Variants in PPP1R12B observed in about 807,000 individuals in gnomAD.
PPP1R12B encodes protein phosphatase 1 regulatory subunit 12B.
Under a neutral mutation model 126.1 loss-of-function variants are expected in PPP1R12B, and 76 were observed. The ratio of observed to expected loss-of-function variants is 0.60; its 90% confidence interval spans 0.50 to 0.73. The LOEUF is 0.73. PPP1R12B is among the 30% of genes least tolerant of loss of function. The pLI, the probability that PPP1R12B is intolerant of heterozygous loss-of-function variation, is 0.00. For missense variants in PPP1R12B, 1,052 were observed against 1,205.1 expected, an observed-to-expected ratio of 0.87 and a Z score of 1.88; for synonymous variants, 356 against 434.7, an observed-to-expected ratio of 0.82 and a Z score of 2.25.
intron 10 of PPP1R12B, 60 bp from the exon 11 acceptor site, chr1:202,440,646 A>C: frequency 7.8e-7 from 1 of 1,278,432 alleles, no homozygotes; most frequent in Non-Finnish European, 1.1e-6. Context: ...TTTACTCAAA[A>C]TGTTTTATGC....
At chr1:202,503,320 T>A (rs1572307659) in intron 18 of PPP1R12B, among the ~76,000 whole-genome samples, 1 of 152,204 alleles carries the variant, frequency 6.6e-6, no homozygotes, top group South Asian at 2.1e-4. Flanking sequence ...TGGAATTTTA[T>A]TAATTGAGAT....
At chr1:202,575,211 A>T (rs966873314) in intron 23 of PPP1R12B, 14 of 1,525,540 alleles carry the variant, frequency 9.2e-6, no homozygotes, top group Non-Finnish European at 1.2e-5. Context: ...TTAGTCCCAG[A>T]AGCTCTGTGC....
At chr1:202,549,279 T>G (rs1335621486) in intron 18 of PPP1R12B, among the ~76,000 whole-genome samples, 2 of 152,206 alleles carry the variant, frequency 1.3e-5, no homozygotes, top group Admixed American at 1.3e-4. Context: ...TTCAAGCTGA[T>G]GTATCCACTA....
At chr1:202,491,671 T>C (rs920195856) in intron 14 of PPP1R12B, among the ~76,000 whole-genome samples, 4 of 152,130 alleles carry the variant, frequency 2.6e-5, no homozygotes, top group African/African-American at 9.7e-5. Flanking sequence ...GAGAGGGGCA[T>C]AGAATTGAAG....
At chr1:202,580,384 C>T (rs1490814094) in intron 23 of PPP1R12B, 90 bp from the exon 24 acceptor site, 5 of 927,810 alleles carry the variant, frequency 5.4e-6, no homozygotes, top group Non-Finnish European at 8.9e-6. Flanking sequence ...CTCAAAAGGC[C>T]CTGCTCACCA....
intron 1 of PPP1R12B, among the ~76,000 whole-genome samples, chr1:202,356,260 ATGC>A (rs1442697212): frequency 6.6e-6 from 1 of 152,186 alleles, no homozygotes; most frequent in Admixed American, 6.5e-5. Flanking sequence ...TTTCCTATCT[ATGC>A]TCCAGTTTTC....
At chr1:202,375,713 A>G (rs1308000388) in intron 1 of PPP1R12B, among the ~76,000 whole-genome samples, 1 of 152,164 alleles carries the variant, frequency 6.6e-6, no homozygotes, top group African/African-American at 2.4e-5. Context: ...ACCATGCTCG[A>G]GTAATTTTTT....
chr1:202,478,168 A>C lies in PPP1R12B; in HGVS notation c.1851-10365A>C, dbSNP rs77688121. ...ACATAGGGGTCAGCAATATTTTTCT[A>C]TAAAGGTTCAGATAGTGATTATTTT... On this transcript the variant is annotated intron_variant, in intron 13 of 23. Coordinates refer to ENST00000608999, the MANE Select transcript of PPP1R12B (RefSeq NM_002481.4). Among the ~76,000 whole-genome samples the C allele has an allele frequency of 1.9e-3, 284 of 152,344 alleles. 2 individuals are homozygous for C. The highest frequency in any genetic ancestry group is 6.6e-3 in the African/African-American group (276 of 41,580).
intron 6 of PPP1R12B, among the ~76,000 whole-genome samples, chr1:202,430,485 G>A (rs1282419734): frequency 6.6e-6 from 1 of 151,102 alleles, no homozygotes; most frequent in Non-Finnish European, 1.5e-5. Context: ...GATTGGGTTT[G>A]GATATTTGAT....
At chr1:202,380,146 C>T (rs1662001872) in intron 1 of PPP1R12B, among the ~76,000 whole-genome samples, 1 of 140,474 alleles carries the variant, frequency 7.1e-6, no homozygotes, top group African/African-American at 3.1e-5. Context: ...ACTGCTCCTG[C>T]TCCCCTTCTA....
Position 202,569,135 on chromosome 1 carries a change from G to A in PPP1R12B, c.2812-12G>A, listed in dbSNP as rs199910156. 1.5e-4 allele frequency: 243 copies of A among 1,612,344 alleles called. No individual in the cohort carries two copies. Among genetic ancestry groups the A allele is most frequent in the Non-Finnish European group, 2.0e-4 (236 of 1,178,498 alleles). ...TTCAATAATGTTCAACAGTCTCATT[G>A]TTCCGAAACAGGAGAGGCGAGCCTT... On this transcript the variant is annotated splice_polypyrimidine_tract_variant and intron_variant, in intron 22 of 23. Coordinates refer to ENST00000608999, the MANE Select transcript of PPP1R12B (RefSeq NM_002481.4).
At chr1:202,547,901 C>A (rs557889677) in intron 18 of PPP1R12B, among the ~76,000 whole-genome samples, 2 of 152,258 alleles carry the variant, frequency 1.3e-5, no homozygotes, top group African/African-American at 4.8e-5. Context: ...CAAAGAGGGA[C>A]AAGAGAGAGA....
intron 1 of PPP1R12B, among the ~76,000 whole-genome samples, chr1:202,367,924 C>T (rs1275363573): frequency 6.6e-6 from 1 of 151,686 alleles, no homozygotes; most frequent in Non-Finnish European, 1.5e-5. Flanking sequence ...TGGTTTGGTG[C>T]TGTTCTCAAG....
At position 202,366,578 on chromosome 1, in the gene PPP1R12B, A is replaced by C. The variant is rs181755653; in HGVS notation, c.291+17436A>C. ...TTCTTAATACAGTAATGATAACAAA[A>C]TACATTAAAAATCAGACATTGAGCA... is the stretch of plus-strand genomic sequence containing the variant. On this transcript the variant is annotated intron_variant, in intron 1 of 23. Coordinates refer to ENST00000608999, the MANE Select transcript of PPP1R12B (RefSeq NM_002481.4). Among the ~76,000 whole-genome samples, 16 of 152,136 alleles carry C rather than the reference A, an allele frequency of 1.1e-4. No homozygotes were observed. In the East Asian group the frequency reaches 3.1e-3, roughly 29 times the overall value.
chr1:202,481,653 T>C (rs1184186715), intron 13 of PPP1R12B, among the ~76,000 whole-genome samples: 1 of 152,232 alleles, frequency 6.6e-6, no homozygotes, highest in African/African-American at 2.4e-5. Context: ...TTGATGCATA[T>C]CTGTGTTGTA....
intron 10 of PPP1R12B, chr1:202,438,881 C>A: frequency 1.4e-6 from 2 of 1,397,626 alleles, no homozygotes; most frequent in Non-Finnish European, 2.0e-6. Context: ...GCCCCCAGGG[C>A]AGGAGCCCAT....
chr1:202,396,713 A>G (rs1483579084), intron 1 of PPP1R12B, among the ~76,000 whole-genome samples: 1 of 152,176 alleles, frequency 6.6e-6, no homozygotes, highest in African/African-American at 2.4e-5. Context: ...TTGGGGCTCA[A>G]GTGATCCTCC....
At chr1:202,475,973 G>C (rs1278418915) in intron 13 of PPP1R12B, among the ~76,000 whole-genome samples, 1 of 152,186 alleles carries the variant, frequency 6.6e-6, no homozygotes, top group African/African-American at 2.4e-5. Flanking sequence ...GCTGAGCCGG[G>C]CAGATCACCT....
intron 10 of PPP1R12B, chr1:202,438,986 G>T: frequency 1.3e-6 from 2 of 1,501,332 alleles, no homozygotes; most frequent in Non-Finnish European, 1.8e-6. Context: ...GGAGCGCATG[G>T]CCCTGGCCAA....
Sources: allele counts gnomAD v4.1 joint callset (sites outside exome capture counted in the v4.1 genomes callset), GRCh38; gene constraint gnomAD v4.1.1; transcripts MANE v1.5; gene names NCBI Gene and HGNC (gene_info 2026-07-23, HGNC 2026-07-21).